Variants in SV2C observed in about 807,000 individuals in gnomAD.
SV2C encodes synaptic vesicle glycoprotein 2C.
Under a neutral mutation model 79.7 loss-of-function variants are expected in SV2C, and 49 were observed. That is an observed-to-expected ratio of 0.61 (90% confidence interval 0.49 to 0.78). The LOEUF is 0.78. SV2C is among the 30% of genes least tolerant of loss of function. The pLI, the probability that SV2C is intolerant of heterozygous loss-of-function variation, is 0.00. For synonymous variants in SV2C, 334 were observed against 333.2 expected, an observed-to-expected ratio of 1.00 and a Z score of -0.03; for missense variants, 833 against 912.9, an observed-to-expected ratio of 0.91 and a Z score of 1.13.
chr5:76,082,578 T>C (rs185039737), upstream of SV2C, among the ~76,000 whole-genome samples: 628 of 145,806 alleles, frequency 4.3e-3, 2 homozygotes, highest in Non-Finnish European at 7.2e-3. Context: ...TTTCTCTTTT[T>C]CTTTCTTTCT....
the SV2C span, among the ~76,000 whole-genome samples, chr5:75,917,107 C>T: frequency 3.3e-5 from 5 of 152,212 alleles, no homozygotes; most frequent in East Asian, 1.9e-4. Context: ...CACTCCTCTA[C>T]GGAGATTTCC....
chr5:76,031,671 A>T, the SV2C span, among the ~76,000 whole-genome samples: 1 of 152,316 alleles, frequency 6.6e-6, no homozygotes, highest in African/African-American at 2.4e-5. Flanking sequence ...AATATATTCA[A>T]TATCTTTATT....
the SV2C span, among the ~76,000 whole-genome samples, chr5:75,863,587 T>G: frequency 2.6e-5 from 4 of 152,216 alleles, no homozygotes; most frequent in Non-Finnish European, 5.9e-5. Context: ...GCCTTGTGGC[T>G]TTTCCACATG....
intron 1 of SV2C, among the ~76,000 whole-genome samples, chr5:76,130,040 G>A (rs1483605130): frequency 6.7e-6 from 1 of 149,364 alleles, no homozygotes; most frequent in Admixed American, 6.8e-5. Flanking sequence ...GAGTTTCTGA[G>A]CACCCCATCC....
chr5:76,345,110 G>A (rs1749514590), intron 12 of SV2C, among the ~76,000 whole-genome samples: 2 of 152,356 alleles, frequency 1.3e-5, no homozygotes, highest in South Asian at 4.1e-4. Context: ...AGCTCAAAAA[G>A]TAGAAGGGAG....
intron 1 of SV2C, among the ~76,000 whole-genome samples, chr5:76,097,410 A>G (rs1168358409): frequency 1.3e-5 from 2 of 152,166 alleles, no homozygotes; most frequent in African/African-American, 4.8e-5. Flanking sequence ...TGACAAACCT[A>G]TTTGTGACAT....
the SV2C span, among the ~76,000 whole-genome samples, chr5:76,033,953 A>G: frequency 6.6e-6 from 1 of 152,066 alleles, no homozygotes; most frequent in Non-Finnish European, 1.5e-5. Flanking sequence ...CTCCTTGAAG[A>G]GGTCCTTCCC....
In SV2C at chr5:76,301,408, G is replaced by T. The variant is rs752429794; in HGVS notation, c.1863G>T (p.Gly621=). 3 of 1,614,024 alleles carry T rather than the reference G, an allele frequency of 1.9e-6. No individual in the cohort carries two copies. The highest frequency in any genetic ancestry group is 3.3e-5 in the Admixed American group (2 of 60,020). The change falls in exon 12 of 13, where the codon GGG becomes GGT. Residue 621 remains glycine, a synonymous_variant. Transcript: ENST00000502798. ...TMLGGSMVLS[G]ISCFFLWFGT... is the part of the protein sequence containing the mutation. ...CAGGTGGCTCTATGGTGCTTTCGGG[G>T]ATCAGCTGTTTCTTCCTTTGGTTCG...
intron 3 of SV2C, among the ~76,000 whole-genome samples, chr5:76,197,478 T>C (rs560229764): frequency 6.6e-6 from 1 of 152,144 alleles, no homozygotes; most frequent in African/African-American, 2.4e-5. Context: ...TTAATCTCTA[T>C]AATAAATGGT....
the SV2C span, among the ~76,000 whole-genome samples, chr5:75,887,810 A>T: frequency 6.6e-6 from 1 of 152,188 alleles, no homozygotes; most frequent in African/African-American, 2.4e-5. Flanking sequence ...AGAATAAGCT[A>T]TCTTTTAAAA....
At chr5:75,847,785 G>A in the SV2C span, among the ~76,000 whole-genome samples, 1 of 152,194 alleles carries the variant, frequency 6.6e-6, no homozygotes, top group African/African-American at 2.4e-5. Flanking sequence ...CTAGAGGAGA[G>A]GAGATTTTAG....
intron 1 of SV2C, among the ~76,000 whole-genome samples, chr5:76,086,930 A>C (rs980020711): frequency 1.3e-5 from 2 of 152,182 alleles, no homozygotes; most frequent in African/African-American, 4.8e-5. Context: ...ACCTATTGAG[A>C]GGTATTGAAC....
intron 11 of SV2C, 82 bp downstream of exon 11, chr5:76,301,014 T>C: frequency 6.9e-7 from 1 of 1,458,376 alleles, no homozygotes; most frequent in Non-Finnish European, 9.4e-7. Flanking sequence ...CTCCCATCTA[T>C]TAGGGATTTG....
At chr5:75,858,937 G>A in the SV2C span, among the ~76,000 whole-genome samples, 5 of 151,764 alleles carry the variant, frequency 3.3e-5, no homozygotes, top group East Asian at 1.9e-4. Context: ...CACTTGTAAC[G>A]TCTTCTTTTT....
At chr5:76,044,681 A>G in the SV2C span, among the ~76,000 whole-genome samples, 1 of 152,170 alleles carries the variant, frequency 6.6e-6, no homozygotes, top group Admixed American at 6.5e-5. Flanking sequence ...GCTTTTATTC[A>G]TATTTTTTTT....
the SV2C span, among the ~76,000 whole-genome samples, chr5:75,949,923 T>C: frequency 6.6e-6 from 1 of 151,970 alleles, no homozygotes; most frequent in Admixed American, 6.6e-5. Flanking sequence ...TCTTGAGGGA[T>C]TGGATATTGT....
chr5:75,910,561 C>T, the SV2C span: 1 of 674,280 alleles, frequency 1.5e-6, no homozygotes, highest in Admixed American at 1.9e-5. Flanking sequence ...TTTACTACTT[C>T]ACCCAGTTCA....
chr5:76,318,234 ATG>A (rs1410557945), intron 12 of SV2C, among the ~76,000 whole-genome samples: 1 of 152,198 alleles, frequency 6.6e-6, no homozygotes, highest in Non-Finnish European at 1.5e-5. Flanking sequence ...CCTGGCCAAC[ATG>A]GTGAAACCCC....
Position 76,131,972 on chromosome 5 carries a change from C to G in SV2C, c.222C>G (p.Gly74=), listed in dbSNP as rs754350797. ...ATGGTGAGGCCAACGATGACGAAGG[C>G]TCAAGTGAAGCCACTGAGGGGCATG... ...TYNGEANDDE[G]SSEATEGHDE... The change falls in exon 2 of 13, where the codon GGC becomes GGG. Residue 74 remains glycine (G), a synonymous_variant. Transcript: ENST00000502798. The G allele has an allele frequency of 3.3e-5, 53 of 1,613,750 alleles. No homozygotes were observed. Among genetic ancestry groups the G allele is most frequent in the Non-Finnish European group, 3.8e-5 (45 of 1,179,928 alleles).
Sources: gnomAD v4.1 joint callset for allele counts (sites outside exome capture counted in the v4.1 genomes callset) on GRCh38, gnomAD v4.1.1 for gene constraint, MANE v1.5 for transcripts, NCBI Gene and HGNC (gene_info 2026-07-23, HGNC 2026-07-21) for gene names.